The following ROBO2 variants were observed in gnomAD, a reference collection of about 807,000 sequenced individuals.
The protein encoded by ROBO2 is roundabout guidance receptor 2.
Under a neutral mutation model 160.8 loss-of-function variants are expected in ROBO2, and 53 were observed. That is an observed-to-expected ratio of 0.33 (90% CI 0.26 to 0.41). The LOEUF (loss-of-function observed/expected upper bound fraction) is 0.41. Among genes scored for constraint, ROBO2 ranks in the 10% least tolerant of loss-of-function variants. The probability of loss-of-function intolerance (pLI) is 1.00; values close to 1 mark genes in which losing one functional copy is unlikely to be tolerated. For missense variants in ROBO2, 1,577 were observed against 1,722.4 expected (o/e 0.92, Z 1.49); for synonymous variants, 664 against 611.7 (o/e 1.09, Z -1.26).
chr3:77,074,814 A>C (rs750352375), intron 1 of ROBO2, among the ~76,000 whole-genome samples: 6 of 152,178 alleles, frequency 3.9e-5, no homozygotes, highest in Non-Finnish European at 7.3e-5. Flanking sequence ...AATGTCTCTA[A>C]GGGCAGAATG....
At chr3:76,024,687 A>C (rs921686778) in intron 2 of ROBO2, among the ~76,000 whole-genome samples, 1 of 151,664 alleles carries the variant, frequency 6.6e-6, no homozygotes, top group Non-Finnish European at 1.5e-5. Flanking sequence ...ATTAGTAATA[A>C]TGTTTAAAAT....
intron 2 of ROBO2, among the ~76,000 whole-genome samples, chr3:77,463,045 A>G (rs544732531): frequency 6.6e-6 from 1 of 152,280 alleles, no homozygotes; most frequent in African/African-American, 2.4e-5. Flanking sequence ...TGAGTTAGGT[A>G]TGGTAACTTT....
chr3:76,390,625 C>A lies in ROBO2; in HGVS notation c.109+453023C>A, dbSNP rs1324308119. 2.6e-5 allele frequency among the ~76,000 whole-genome samples: 4 copies of A among 152,114 alleles called. No individual in the cohort carries two copies. In the East Asian group the frequency reaches 7.7e-4, roughly 29 times the overall value. ...GGACCTGTACACTTAAATTCATAAT[C>A]CCAGCCTACTTTATTTATTTTTCCT... is the stretch of plus-strand genomic sequence containing the variant. On this transcript the variant is annotated intron_variant, in intron 2 of 26. Transcript: ENST00000487694.
At chr3:76,513,596 C>G (rs1385294927) in intron 2 of ROBO2, among the ~76,000 whole-genome samples, 1 of 152,260 alleles carries the variant, frequency 6.6e-6, no homozygotes, top group East Asian at 1.9e-4. Context: ...ATGAGCCAAC[C>G]AGCAAAATTG....
intron 2 of ROBO2, among the ~76,000 whole-genome samples, chr3:76,235,469 G>T (rs1704885530): frequency 6.6e-6 from 1 of 152,164 alleles, no homozygotes; most frequent in South Asian, 2.1e-4. Context: ...CGACTGCGGA[G>T]AATACATTTT....
At chr3:76,825,786 T>C (rs1444417852) in intron 2 of ROBO2, among the ~76,000 whole-genome samples, 1 of 152,016 alleles carries the variant, frequency 6.6e-6, no homozygotes, top group African/African-American at 2.4e-5. Context: ...GAAGGCAATT[T>C]ACTTACCTAA....
At chr3:76,471,668 A>C (rs1214394141) in intron 2 of ROBO2, among the ~76,000 whole-genome samples, 2 of 152,162 alleles carry the variant, frequency 1.3e-5, no homozygotes, top group African/African-American at 2.4e-5. Flanking sequence ...AATGTCTAAA[A>C]GTATAACATT....
intron 2 of ROBO2, among the ~76,000 whole-genome samples, chr3:77,474,200 A>T (rs1168397305): frequency 6.6e-6 from 1 of 152,158 alleles, no homozygotes; most frequent in Non-Finnish European, 1.5e-5. Flanking sequence ...AAGGTTATTG[A>T]ATCCGCCTAA....
intron 5 of ROBO2, among the ~76,000 whole-genome samples, chr3:77,504,434 C>A: frequency 6.7e-6 from 1 of 149,646 alleles, no homozygotes; most frequent in African/African-American, 2.5e-5. Context: ...AAAAAATGTT[C>A]AATTAAACCC....
chr3:77,074,640 C>A (rs1439613697), intron 1 of ROBO2, among the ~76,000 whole-genome samples: 2 of 152,096 alleles, frequency 1.3e-5, no homozygotes, highest in Admixed American at 1.3e-4. Context: ...CCCATTTTTA[C>A]AATAACCCTT....
chr3:76,869,290 A>G (rs1400350433), intron 2 of ROBO2, among the ~76,000 whole-genome samples: 1 of 151,388 alleles, frequency 6.6e-6, no homozygotes, highest in Non-Finnish European at 1.5e-5. Flanking sequence ...TTCGCAACAA[A>G]TGGACATGTA....
intron 2 of ROBO2, among the ~76,000 whole-genome samples, chr3:76,982,332 A>G (rs369039365): frequency 1.3e-5 from 2 of 152,198 alleles, no homozygotes; most frequent in Non-Finnish European, 2.9e-5. Flanking sequence ...TGAAAAGACA[A>G]TTCTTTTCTA....
intron 2 of ROBO2, among the ~76,000 whole-genome samples, chr3:76,059,504 T>C (rs1397175157): frequency 6.6e-6 from 1 of 152,182 alleles, no homozygotes; most frequent in African/African-American, 2.4e-5. Flanking sequence ...GTTGTTTGTT[T>C]TTTTCTTGTA....
intron 2 of ROBO2, among the ~76,000 whole-genome samples, chr3:76,596,716 C>T (rs1363709918): frequency 6.6e-6 from 1 of 152,046 alleles, no homozygotes; most frequent in South Asian, 2.1e-4. Flanking sequence ...TCTTAGCCCT[C>T]CTGGATTAAG....
intron 2 of ROBO2, among the ~76,000 whole-genome samples, chr3:76,891,201 T>C (rs1292168724): frequency 2.0e-5 from 3 of 152,160 alleles, no homozygotes; most frequent in Non-Finnish European, 2.9e-5. Flanking sequence ...CAGTATTTTG[T>C]TTAGAAGTTT....
chr3:76,110,077 G>C (rs2070154141), intron 2 of ROBO2, among the ~76,000 whole-genome samples: 1 of 150,732 alleles, frequency 6.6e-6, no homozygotes, highest in Admixed American at 6.7e-5. Context: ...ATATATAAAA[G>C]CTTCTCATTC....
At chr3:77,297,074 A>C (rs568838239) in intron 2 of ROBO2, among the ~76,000 whole-genome samples, 11 of 152,168 alleles carry the variant, frequency 7.2e-5, no homozygotes, top group African/African-American at 2.4e-4. Context: ...ACAAAGTTGG[A>C]AAATGTATTT....
chr3:77,290,336 T>C (rs1255452455), intron 2 of ROBO2, among the ~76,000 whole-genome samples: 3 of 92,804 alleles, frequency 3.2e-5, no homozygotes, highest in Non-Finnish European at 6.9e-5. Context: ...ACCCCAGACA[T>C]AAAGTAAAAT....
At chr3:77,457,967 A>T (rs2153568358) in intron 2 of ROBO2, among the ~76,000 whole-genome samples, 1 of 152,308 alleles carries the variant, frequency 6.6e-6, no homozygotes, top group East Asian at 1.9e-4. Flanking sequence ...ACTATATATA[A>T]CTTTAAATAT....
Sources: allele counts gnomAD v4.1 joint callset (sites outside exome capture counted in the v4.1 genomes callset), GRCh38; gene constraint gnomAD v4.1.1; transcripts MANE v1.5; gene names NCBI Gene and HGNC (gene_info 2026-07-23, HGNC 2026-07-21).